Variants in WDR62 observed in about 807,000 individuals in gnomAD.
WDR62 encodes WD repeat domain 62.
WDR62 carries 112 observed loss-of-function variants against 160.6 expected under a neutral mutation model. The ratio of observed to expected loss-of-function variants is 0.70; its 90% CI spans 0.60 to 0.82. WDR62 has a LOEUF of 0.82. WDR62 is among the 40% of genes least tolerant of loss of function. The probability of loss-of-function intolerance (pLI) is 0.00; values close to 1 mark genes in which losing one functional copy is unlikely to be tolerated. For synonymous variants in WDR62, 792 were observed against 815.1 expected, an observed-to-expected ratio of 0.97 and a Z score of 0.48; for missense variants, 1,819 against 1,983.8, an observed-to-expected ratio of 0.92 and a Z score of 1.58.
rs1173065804 is a variant in WDR62 at position 36,054,898 on chromosome 19, C to G, written c.-74C>G. 6.5e-7 allele frequency: 1 copy of G among 1,528,776 alleles called. No individual in the cohort carries two copies. The highest frequency in any genetic ancestry group is 1.4e-5 in the African/African-American group (1 of 72,908). The allele number at this position is 1,528,776 out of a possible 1,614,324, so 94.7% of individuals were successfully genotyped here. ...GCGCCGGCTTTCCCGCGGCTGTTCGCTGTTCCAGTGGGTCGTGGCGGTGGC... is the reference window on the plus strand; with the variant it reads ...GCGCCGGCTTTCCCGCGGCTGTTCGGTGTTCCAGTGGGTCGTGGCGGTGGC... On this transcript the variant is annotated 5_prime_UTR_variant, in exon 1 of 32. Coordinates refer to ENST00000401500, the MANE Select transcript of WDR62 (RefSeq NM_001083961.2).
At chr19:36,083,314 G>C in intron 11 of WDR62, 73 bp downstream of exon 11, 1 of 1,482,446 alleles carries the variant, frequency 6.7e-7, no homozygotes. Context: ...GTGGGCAGAA[G>C]CCCTGGCCTT....
At chr19:36,067,217 C>G in intron 5 of WDR62, 89 bp from the exon 6 acceptor site, 1 of 1,572,606 alleles carries the variant, frequency 6.4e-7, no homozygotes, top group Non-Finnish European at 8.7e-7. Context: ...GGAGTGGGGA[C>G]GAGCAGGGAG....
Position 36,103,848 on chromosome 19 carries a change from C to T in WDR62, c.4020C>T (p.His1340=), listed in dbSNP as rs770619767. ...TGGAAGAGAGCGCCCTGAGGCTCCA[C>T]GGCTCTGCCTTTCGCCCAAGTCTCC... is the stretch of plus-strand genomic sequence containing the variant. ...SPVEESALRL[H]GSAFRPSLPA... Residue 1340 remains histidine, a synonymous_variant, in exon 30 of 32, where the codon CAC becomes CAT. Coordinates refer to ENST00000401500, the MANE Select transcript of WDR62 (RefSeq NM_001083961.2). The T allele has an allele frequency of 7.5e-6, 12 of 1,604,338 alleles. No individual in the cohort carries two copies. The highest frequency in any genetic ancestry group is 6.6e-5 in the South Asian group (6 of 91,066).
Position 36,091,256 on chromosome 19 carries a change from C to T in WDR62, c.2091C>T (p.Ile697=). Residue 697 remains isoleucine (I), a synonymous_variant, in exon 17 of 32, where the codon ATC becomes ATT. Transcript: ENST00000401500. ...FLATSCSDKS[I]SVIDFYSGEC... Reference sequence around the variant, plus strand: ...CCACCAGCTGCTCTGACAAAAGCATCTCAGTGATTGACTTTTACTCGGGCG... The same window carrying T: ...CCACCAGCTGCTCTGACAAAAGCATTTCAGTGATTGACTTTTACTCGGGCG... 5 of 1,613,670 alleles carry T rather than the reference C, an allele frequency of 3.1e-6. No individual in the cohort carries two copies. In the South Asian group the frequency reaches 3.3e-5, roughly 11 times the overall value.
At chr19:36,075,454 T>TC (rs1003996636) in intron 9 of WDR62, 1 of 146,130 alleles carries the variant, frequency 6.8e-6, no homozygotes, top group African/African-American at 2.6e-5. Flanking sequence ...AGCAGCTTTT[T>TC]TTCCCCCCCA....
chr19:36,104,231 G>A (rs1007479108), intron 30 of WDR62, among the ~76,000 whole-genome samples: 1 of 152,230 alleles, frequency 6.6e-6, no homozygotes, highest in Non-Finnish European at 1.5e-5. Context: ...AACCTTTAAG[G>A]AACCCGTCAT....
chr19:36,071,772 G>T (rs181002392), intron 8 of WDR62, 56 bp downstream of exon 8: 6 of 1,573,772 alleles, frequency 3.8e-6, no homozygotes, highest in Non-Finnish European at 5.2e-6. Context: ...CTGTCCACTG[G>T]CATTCATCCA....
intron 9 of WDR62, among the ~76,000 whole-genome samples, chr19:36,074,684 T>C (rs1449344860): frequency 1.3e-5 from 2 of 152,202 alleles, no homozygotes; most frequent in Admixed American, 1.3e-4. Context: ...CCTATGACTC[T>C]GGTTGAATCT....
At chr19:36,068,061 G>A (rs748524214) in intron 7 of WDR62, 51 bp downstream of exon 7, 28 of 1,576,684 alleles carry the variant, frequency 1.8e-5, no homozygotes, top group Middle Eastern at 1.7e-4. Context: ...CTCGTGATAT[G>A]TGTCTGCAGG....
rs746376825 is a variant in WDR62, at chr19:36,103,660, A to G, written c.3832A>G (p.Ser1278Gly). The G allele has an allele frequency of 1.2e-6, 2 of 1,610,242 alleles. No individual in the cohort carries two copies. The highest frequency in any genetic ancestry group is 2.2e-5 in the South Asian group (2 of 91,082). The change falls in exon 30 of 32, where the codon AGT becomes GGT. Residue 1278 changes from serine to glycine, a missense_variant. This residue lies in a region of WDR62 where 770 missense variants were observed against 734.2 expected (regional missense o/e 1.05). Transcript: ENST00000401500. Reference sequence around the variant, plus strand: ...CACCGCGACAACACCCAGTTTGGACAGTGAGGGCCAAGAGCCTGCCCTGCG... The same window carrying G: ...CACCGCGACAACACCCAGTTTGGACGGTGAGGGCCAAGAGCCTGCCCTGCG... ...ITTATTPSLD[S>G]EGQEPALRSW...
intron 13 of WDR62, among the ~76,000 whole-genome samples, chr19:36,088,294 G>A (rs1040886717): frequency 1.3e-4 from 20 of 152,086 alleles, no homozygotes; most frequent in African/African-American, 4.6e-4. Context: ...CAACAAGAGC[G>A]AAACTCTGTC....
Position 36,094,114 on chromosome 19 carries a change from G to T in WDR62, c.2417G>T (p.Cys806Phe). 1 of 1,614,204 alleles carries T rather than the reference G, an allele frequency of 6.2e-7. No individual in the cohort carries two copies. The highest frequency in any genetic ancestry group is 8.5e-7 in the Non-Finnish European group (1 of 1,180,028). Reference sequence around the variant, plus strand: ...ACAGAGGATGATCTGGAGGAAGAGTGTGAGCCAGAAGAGATGCTGAAGACA... The same window carrying T: ...ACAGAGGATGATCTGGAGGAAGAGTTTGAGCCAGAAGAGATGCTGAAGACA... ...EQTEDDLEEE[C>F]EPEEMLKTPS... The change falls in exon 20 of 32, where the codon TGT becomes TTT. Residue 806 changes from cysteine (C) to phenylalanine (F), a missense_variant. Physicochemically the swap from Cys to Phe is radical, Grantham distance 205. Coordinates refer to ENST00000401500, the MANE Select transcript of WDR62 (RefSeq NM_001083961.2).
At position 36,090,479 on chromosome 19, in the gene WDR62, T is replaced by G; in HGVS notation, c.1993T>G (p.Cys665Gly). 6.2e-7 allele frequency: 1 copy of G among 1,613,994 alleles called. No individual in the cohort carries two copies. Among genetic ancestry groups the G allele is most frequent in the Non-Finnish European group, 8.5e-7 (1 of 1,179,956 alleles). The stretch of plus-strand genomic sequence containing the variant: ...CACTGTGAACGGGAAGCAGAAGAAG[T>G]GCTACAAGGGCTCCCAGGGTGACGA... ...YNTVNGKQKK[C>G]YKGSQGDEGS... The change falls in exon 16 of 32, where the codon TGC (cysteine) becomes GGC (glycine). Residue 665 changes from cysteine to glycine, a missense_variant. Physicochemically the swap from Cys to Gly is radical, Grantham distance 159 (BLOSUM62 -3). Coordinates refer to ENST00000401500, the MANE Select transcript of WDR62 (RefSeq NM_001083961.2).
chr19:36,087,646 GTC>G (rs1352405486), intron 13 of WDR62, among the ~76,000 whole-genome samples: 1 of 148,178 alleles, frequency 6.7e-6, no homozygotes, highest in African/African-American at 2.5e-5. Context: ...GTGAAACCCC[GTC>G]TCTACTAAAA....
At chr19:36,098,304 C>T (rs1599835578) in intron 21 of WDR62, among the ~76,000 whole-genome samples, 1 of 151,526 alleles carries the variant, frequency 6.6e-6, no homozygotes. Context: ...CGGTGGCTCA[C>T]GCCTGTAATC....
intron 26 of WDR62, chr19:36,102,375 C>T: frequency 1.5e-6 from 1 of 650,122 alleles, no homozygotes; most frequent in South Asian, 1.8e-5. Flanking sequence ...ATTCTCCTGC[C>T]TCAGCCTCCT....
In WDR62 at chr19:36,090,474, A is replaced by C; in HGVS notation, c.1988A>C (p.Lys663Thr). The change falls in exon 16 of 32, where the codon AAG becomes ACG. Residue 663 changes from lysine (K) to threonine (T), a missense_variant. This residue lies in a region of WDR62 where 934 missense variants were observed against 1,157.2 expected (regional missense o/e 0.81). Coordinates refer to ENST00000401500, the MANE Select transcript of WDR62 (RefSeq NM_001083961.2). ...TACAACACTGTGAACGGGAAGCAGA[A>C]GAAGTGCTACAAGGGCTCCCAGGGT... The part of the protein sequence containing the change: ...RVYNTVNGKQ[K>T]KCYKGSQGDE... The C allele has an allele frequency of 6.2e-7, 1 of 1,614,124 alleles. No homozygotes were observed. The highest frequency in any genetic ancestry group is 8.5e-7 in the Non-Finnish European group (1 of 1,179,996).
At chr19:36,090,153 A>T (rs1435023504) in intron 15 of WDR62, among the ~76,000 whole-genome samples, 1 of 152,158 alleles carries the variant, frequency 6.6e-6, no homozygotes, top group Non-Finnish European at 1.5e-5. Context: ...GGAGGCAGAG[A>T]GTGAGTGTGC....
chr19:36,081,971 G>A (rs1244220815), intron 10 of WDR62: 2 of 397,490 alleles, frequency 5.0e-6, no homozygotes, highest in African/African-American at 2.1e-5. Flanking sequence ...GAATGCTGGC[G>A]AGAGCCATGA....
Sources: gnomAD v4.1 joint callset for allele counts (sites outside exome capture counted in the v4.1 genomes callset) on GRCh38, gnomAD v4.1.1 for gene constraint, gnomAD v4.1.1 regional missense constraint, MANE v1.5 for transcripts, NCBI Gene and HGNC (gene_info 2026-07-23, HGNC 2026-07-21) for gene names.